PLA2G4A: variants seen among roughly 807,000 people sequenced by gnomAD.
PLA2G4A encodes the protein cytosolic phospholipase A2.
PLA2G4A carries 40 observed loss-of-function variants against 81.9 expected under a neutral mutation model. The observed-to-expected ratio is 0.49, with a 90% confidence interval of 0.38 to 0.64. PLA2G4A has a LOEUF of 0.64. PLA2G4A is among the 30% of genes least tolerant of loss of function. The pLI, the probability that PLA2G4A is intolerant of heterozygous loss-of-function variation, is 0.00. For missense variants in PLA2G4A, 715 were observed against 905.1 expected (o/e 0.79, Z 2.69); for synonymous variants, 302 against 296.9 (o/e 1.02, Z -0.18).
intron 14 of PLA2G4A, among the ~76,000 whole-genome samples, chr1:186,964,968 C>G (rs1452943375): frequency 6.6e-6 from 1 of 152,204 alleles, no homozygotes; most frequent in Non-Finnish European, 1.5e-5. Context: ...TTCGAGATGA[C>G]TCTTCATTGG....
At chr1:186,862,827 C>G (rs1652863528) in intron 2 of PLA2G4A, among the ~76,000 whole-genome samples, 1 of 152,142 alleles carries the variant, frequency 6.6e-6, no homozygotes, top group African/African-American at 2.4e-5. Context: ...TAATGAGCTC[C>G]TCTAGAAAGG....
chr1:186,871,184 T>C (rs1246507632), intron 3 of PLA2G4A, among the ~76,000 whole-genome samples: 1 of 152,160 alleles, frequency 6.6e-6, no homozygotes, highest in African/African-American at 2.4e-5. Flanking sequence ...CAGCCTGAAA[T>C]GATGCGATCC....
chr1:186,863,494 G>A (rs899338975), intron 2 of PLA2G4A, among the ~76,000 whole-genome samples: 9 of 152,038 alleles, frequency 5.9e-5, no homozygotes, highest in Non-Finnish European at 1.2e-4. Context: ...TTTGTGGTGA[G>A]CACATTAAAA....
At chr1:186,845,428 T>A (rs1322392034) in intron 1 of PLA2G4A, among the ~76,000 whole-genome samples, 1 of 152,116 alleles carries the variant, frequency 6.6e-6, no homozygotes, top group African/African-American at 2.4e-5. Flanking sequence ...TAGGGGCGAT[T>A]TTCCCTACGT....
At chr1:186,921,921 G>A (rs1655367816) in intron 7 of PLA2G4A, among the ~76,000 whole-genome samples, 1 of 152,116 alleles carries the variant, frequency 6.6e-6, no homozygotes, top group Non-Finnish European at 1.5e-5. Flanking sequence ...CTGACTTACA[G>A]GTTACCCTGT....
Position 186,964,867 on chromosome 1 carries a change from G to T in PLA2G4A, c.1580-542G>T, listed in dbSNP as rs112963510. On this transcript the variant is annotated intron_variant, in intron 14 of 17. Coordinates refer to ENST00000367466, the MANE Select transcript of PLA2G4A (RefSeq NM_024420.3). Reference sequence around the variant, plus strand: ...GGTGTGTTGGCTGGATGATTTCCTTGAACTCCCACCTTGTGGTGGAATGCA... The same window carrying T: ...GGTGTGTTGGCTGGATGATTTCCTTTAACTCCCACCTTGTGGTGGAATGCA... Among the ~76,000 whole-genome samples, 227 of 152,220 alleles carry T rather than the reference G, an allele frequency of 1.5e-3. 3 individuals are homozygous for T. The highest frequency in any genetic ancestry group is 5.1e-3 in the African/African-American group (211 of 41,534).
At chr1:186,904,457 G>C (rs1405434407) in intron 5 of PLA2G4A, among the ~76,000 whole-genome samples, 1 of 152,192 alleles carries the variant, frequency 6.6e-6, no homozygotes, top group African/African-American at 2.4e-5. Flanking sequence ...ACATGTTCTA[G>C]GTAAAAGGTG....
At chr1:186,872,295 G>A (rs1361956588) in intron 3 of PLA2G4A, among the ~76,000 whole-genome samples, 1 of 152,030 alleles carries the variant, frequency 6.6e-6, no homozygotes, top group African/African-American at 2.4e-5. Flanking sequence ...CTGCGAAAGA[G>A]AAGCCTCATT....
intron 5 of PLA2G4A, among the ~76,000 whole-genome samples, chr1:186,902,315 A>G (rs1268576890): frequency 6.6e-6 from 1 of 152,182 alleles, no homozygotes; most frequent in Non-Finnish European, 1.5e-5. Flanking sequence ...CTCTCAATTC[A>G]TACAAAACCA....
At chr1:186,894,945 T>A (rs1017795555) in intron 5 of PLA2G4A, among the ~76,000 whole-genome samples, 12 of 152,174 alleles carry the variant, frequency 7.9e-5, no homozygotes, top group African/African-American at 2.9e-4. Flanking sequence ...TACTAATTTC[T>A]TGTTGTTGGG....
At position 186,977,540 on chromosome 1, in the gene PLA2G4A, T is replaced by C. The variant is rs1657575045; in HGVS notation, c.1765-53T>C. The C allele has an allele frequency of 8.2e-6, 10 of 1,225,952 alleles. No homozygotes were observed. The East Asian group carries it at 2.1e-4, about 26-fold the overall frequency. 75.9% of individuals were successfully genotyped at this position (1,225,952 alleles called of 1,614,324 possible). Reference sequence around the variant, plus strand: ...AACACTGAATTATGGTCAGACCAACTGAATCAATGAAAACTGAAAATTTCC... The same window carrying C: ...AACACTGAATTATGGTCAGACCAACCGAATCAATGAAAACTGAAAATTTCC... On this transcript the variant is annotated intron_variant, in intron 15 of 17. Coordinates refer to ENST00000367466, the MANE Select transcript of PLA2G4A (RefSeq NM_024420.3).
intron 7 of PLA2G4A, among the ~76,000 whole-genome samples, chr1:186,912,791 T>TGTATATATATAC (rs1419964475): frequency 7.7e-6 from 1 of 130,488 alleles, no homozygotes; most frequent in African/African-American, 3.4e-5. Context: ...TACTTATATA[T>TGTATATATATAC]ATATGTATAT....
chr1:186,833,333 T>C (rs1022158305), intron 1 of PLA2G4A, among the ~76,000 whole-genome samples: 4 of 152,170 alleles, frequency 2.6e-5, no homozygotes, highest in African/African-American at 9.7e-5. Context: ...AGTTTGAGGC[T>C]GCAGTGAGCT....
intron 2 of PLA2G4A, among the ~76,000 whole-genome samples, chr1:186,862,319 A>T (rs1652840692): frequency 6.8e-6 from 1 of 146,142 alleles, no homozygotes; most frequent in Non-Finnish European, 1.5e-5. Context: ...GGTTCAAGCG[A>T]TTCTCTTGCC....
At chr1:186,916,109 G>A (rs1393998081) in intron 7 of PLA2G4A, among the ~76,000 whole-genome samples, 1 of 152,106 alleles carries the variant, frequency 6.6e-6, no homozygotes, top group African/African-American at 2.4e-5. Context: ...GGAATTTCTG[G>A]TACTGGCACA....
At chr1:186,848,450 C>T (rs1652262838) in intron 1 of PLA2G4A, among the ~76,000 whole-genome samples, 3 of 152,126 alleles carry the variant, frequency 2.0e-5, no homozygotes, top group African/African-American at 7.2e-5. Flanking sequence ...CAAGCTCTAC[C>T]TTGAGCAGGA....
chr1:186,949,387 G>GAA (rs71108303), intron 12 of PLA2G4A, among the ~76,000 whole-genome samples: 84,893 of 144,998 alleles, frequency 0.59, 27,463 homozygotes, highest in African/African-American at 0.87. Flanking sequence ...AAGAAAGAAA[G>GAA]AAAAAAGAAA....
intron 1 of PLA2G4A, among the ~76,000 whole-genome samples, chr1:186,830,965 T>G (rs200068879): frequency 0.14 from 9,447 of 68,028 alleles, 384 homozygotes; most frequent in African/African-American, 0.28. Context: ...TTGCTTTCTT[T>G]CTTTCTTTCT....
chr1:186,869,069 C>T (rs1340818486), intron 2 of PLA2G4A, among the ~76,000 whole-genome samples: 1 of 151,354 alleles, frequency 6.6e-6, no homozygotes. Context: ...TTTTGTTTAC[C>T]TTGGATTTAA....
Sources: allele counts gnomAD v4.1 joint callset (sites outside exome capture counted in the v4.1 genomes callset), GRCh38; gene constraint gnomAD v4.1.1; transcripts MANE v1.5; gene names NCBI Gene and HGNC (gene_info 2026-07-23, HGNC 2026-07-21).